DAND5: variants seen among roughly 807,000 people sequenced by gnomAD.
The protein encoded by DAND5 is DAN domain BMP antagonist family member 5.
In DAND5, 8 loss-of-function variants were observed where a neutral mutation model predicts 9.2. That is an observed-to-expected ratio of 0.87 (90% confidence interval 0.51 to 1.56). The LOEUF (loss-of-function observed/expected upper bound fraction) is 1.56. DAND5 is among the 40% of genes most tolerant of loss of function. The pLI is 0.00. For synonymous variants in DAND5, 95 were observed against 101.1 expected (o/e 0.94, Z 0.36); for missense variants, 244 against 244.7 (o/e 1.00, Z 0.02).
rs1365588972 is a variant in DAND5, at chr19:12,973,752, G to A, written c.*118G>A. 5 of 1,486,832 alleles carry A rather than the reference G, an allele frequency of 3.4e-6. No individual in the cohort carries two copies. Among genetic ancestry groups the A allele is most frequent in the East Asian group, 2.3e-5 (1 of 43,518 alleles). The allele number at this position is 1,486,832 out of a possible 1,614,324, so 92.1% of individuals were successfully genotyped here. ...TGGGTCAAGAGACCAGGGATGCAGG[G>A]TTAGGCAGACAGGTCCCCAGAGTCC... On this transcript the variant is annotated 3_prime_UTR_variant, in exon 2 of 2. Transcript: ENST00000317060.
chr19:12,970,506 A>G (rs1294012190), intron 1 of DAND5: 3 of 698,718 alleles, frequency 4.3e-6, no homozygotes, highest in African/African-American at 1.8e-5. Context: ...GCCTCAAGCA[A>G]TCCTCCCACC....
rs2011158113 is a variant in DAND5 at position 12,973,565 on chromosome 19, A to G, written c.501A>G (p.Ser167=). 6.2e-7 allele frequency: 1 copy of G among 1,614,016 alleles called. No homozygotes were observed. The highest frequency in any genetic ancestry group is 1.1e-5 in the South Asian group (1 of 91,086). The part of the protein sequence containing the change: ...PVVLWCLTGS[S]ASRRRVKIST... ...TCCTGTGGTGTCTCACTGGCAGCTC[A>G]GCCTCCCGTCGACGGGTGAAGATAT... Residue 167 remains serine (S), a synonymous_variant, in exon 2 of 2, where the codon TCA becomes TCG. Coordinates refer to ENST00000317060, the MANE Select transcript of DAND5 (RefSeq NM_152654.3).
chr19:12,973,955 C>T lies in DAND5; in HGVS notation c.*321C>T, dbSNP rs370258801. The T allele has an allele frequency of 1.6e-3, 424 of 259,128 alleles. 3 individuals carry two copies. Among genetic ancestry groups the T allele is most frequent in the African/African-American group, 8.4e-3 (376 of 44,936 alleles). 16.1% of individuals were successfully genotyped at this position (259,128 alleles called of 1,614,324 possible). ...TCAGCTCACTGCAAGCTCCACCTCC[C>T]GGGTTTATGCCATTCTCCTGTCTCA... On this transcript the variant is annotated 3_prime_UTR_variant, in exon 2 of 2. Coordinates refer to ENST00000317060, the MANE Select transcript of DAND5 (RefSeq NM_152654.3).
intron 1 of DAND5, 46 bp from the exon 2 acceptor site, chr19:12,973,343 G>T (rs1453633991): frequency 6.3e-7 from 1 of 1,595,050 alleles, no homozygotes; most frequent in Non-Finnish European, 8.5e-7. Context: ...CGCCACTCTG[G>T]CCCCAAACTC....
At chr19:12,972,731 G>A (rs1599680159) in intron 1 of DAND5, among the ~76,000 whole-genome samples, 1 of 152,092 alleles carries the variant, frequency 6.6e-6, no homozygotes, top group East Asian at 1.9e-4. Context: ...AGTAGAGATG[G>A]GGTTTCGCCA....
intron 1 of DAND5, among the ~76,000 whole-genome samples, chr19:12,972,861 C>CTTTTTTTTTT (rs1212086930): frequency 1.9e-5 from 2 of 104,712 alleles, no homozygotes; most frequent in African/African-American, 3.6e-5. Context: ...AATTTCTTTT[C>CTTTTTTTTTT]TTTTTTTTTT....
At chr19:12,973,244 GAC>G in intron 1 of DAND5, 143 bp from the exon 2 acceptor site, 1 of 1,145,856 alleles carries the variant, frequency 8.7e-7, no homozygotes, top group Non-Finnish European at 1.2e-6. Flanking sequence ...TCAGCCAAGA[GAC>G]AGCAGAGTCA....
Position 12,973,636 on chromosome 19 carries a change from CTGAG to C in DAND5, c.*3_*6del, listed in dbSNP as rs748503801. Reference sequence around the variant, plus strand: ...TGTCACTGCAGCCCAAAAGCATGAACTGAGCATCGTGGATGGGTGCACGGAGACA... The same window carrying C: ...TGTCACTGCAGCCCAAAAGCATGAACCATCGTGGATGGGTGCACGGAGACA... On this transcript the variant is annotated 3_prime_UTR_variant, in exon 2 of 2. Transcript: ENST00000317060. 8.7e-6 allele frequency: 14 copies of C among 1,613,182 alleles called. No individual in the cohort carries two copies. The highest frequency in any genetic ancestry group is 1.0e-5 in the Non-Finnish European group (12 of 1,179,598).
At chr19:12,970,651 T>C (rs2011142194) in intron 1 of DAND5, 2 of 475,176 alleles carry the variant, frequency 4.2e-6, no homozygotes, top group African/African-American at 4.0e-5. Flanking sequence ...CTTTCTTTCT[T>C]TCTTTCTTTC....
intron 1 of DAND5, 23 bp from the exon 2 acceptor site, chr19:12,973,366 C>G: frequency 1.9e-6 from 3 of 1,610,922 alleles, no homozygotes; most frequent in Admixed American, 1.7e-5. Flanking sequence ...CCACCCTGAC[C>G]GTCTCCATGC....
chr19:12,970,624 T>C, intron 1 of DAND5: 1 of 477,280 alleles, frequency 2.1e-6, no homozygotes, highest in Non-Finnish European at 3.7e-6. Flanking sequence ...TTTCTTTCTT[T>C]GTTTTTCTTT....
At chr19:12,970,374 C>T in intron 1 of DAND5, 4 of 673,806 alleles carry the variant, frequency 5.9e-6, no homozygotes, top group Non-Finnish European at 1.1e-5. Context: ...CCTCCTCCCA[C>T]TCTCCCCCTC....
At chr19:12,973,168 G>A (rs1338436093) in intron 1 of DAND5, among the ~76,000 whole-genome samples, 6 of 152,190 alleles carry the variant, frequency 3.9e-5, no homozygotes, top group Admixed American at 3.3e-4. Flanking sequence ...GGCCCTTGTT[G>A]AATTTCAATG....
At chr19:12,972,036 G>A (rs370096403) in intron 1 of DAND5, among the ~76,000 whole-genome samples, 2 of 151,062 alleles carry the variant, frequency 1.3e-5, no homozygotes, top group Middle Eastern at 3.5e-3. Context: ...GCCTACAGAC[G>A]CACAGCATTA....
At chr19:12,971,138 T>C (rs1221485209) in intron 1 of DAND5, among the ~76,000 whole-genome samples, 3 of 152,180 alleles carry the variant, frequency 2.0e-5, no homozygotes, top group Non-Finnish European at 4.4e-5. Flanking sequence ...GGGCTTTCTG[T>C]TGGATGCTTC....
chr19:12,972,166 C>A (rs1167444953), intron 1 of DAND5, among the ~76,000 whole-genome samples: 1 of 151,528 alleles, frequency 6.6e-6, no homozygotes, highest in Admixed American at 6.6e-5. Context: ...TCACGCCACT[C>A]TCCTGCCTCA....
At position 12,973,556 on chromosome 19, in the gene DAND5, T is replaced by A; in HGVS notation, c.492T>A (p.Thr164=). ...RWAPVVLWCL[T]GSSASRRRVK... ...CACCCGTGGTCCTGTGGTGTCTCACTGGCAGCTCAGCCTCCCGTCGACGGG... is the reference window on the plus strand; with the variant it reads ...CACCCGTGGTCCTGTGGTGTCTCACAGGCAGCTCAGCCTCCCGTCGACGGG... The change falls in exon 2 of 2, where the codon ACT becomes ACA. Residue 164 remains threonine (T), a synonymous_variant. Coordinates refer to ENST00000317060, the MANE Select transcript of DAND5 (RefSeq NM_152654.3). 6.2e-7 allele frequency: 1 copy of A among 1,614,176 alleles called. No homozygotes were observed. Among genetic ancestry groups the A allele is most frequent in the East Asian group, 2.2e-5 (1 of 44,888 alleles).
rs1599679071 is a variant in DAND5, at chr19:12,969,752, C to T, written c.92C>T (p.Pro31Leu). 4.4e-6 allele frequency: 7 copies of T among 1,591,186 alleles called. No individual in the cohort carries two copies. Among genetic ancestry groups the T allele is most frequent in the East Asian group, 2.2e-5 (1 of 44,788 alleles). Reference protein sequence around the residue: ...SGRPEPQSPRPQSWAAANQTW... With the variant: ...SGRPEPQSPRLQSWAAANQTW... ...AGGCCTGAACCCCAGTCTCCTCGACCTCAGTCCTGGGCTGCAGCCAATCAG... is the reference window on the plus strand; with the variant it reads ...AGGCCTGAACCCCAGTCTCCTCGACTTCAGTCCTGGGCTGCAGCCAATCAG... The change falls in exon 1 of 2, where the codon CCT becomes CTT. Residue 31 changes from proline to leucine, a missense_variant. Pro to Leu is a moderately conservative substitution (Grantham distance 98). Transcript: ENST00000317060.
Position 12,973,819 on chromosome 19 carries a change from A to T in DAND5, c.*185A>T. 1 of 746,728 alleles carries T rather than the reference A, an allele frequency of 1.3e-6. No individual in the cohort carries two copies. The highest frequency in any genetic ancestry group is 1.8e-5 in the African/African-American group (1 of 56,208). The allele number at this position is 746,728 out of a possible 1,614,324, so 46.3% of individuals were successfully genotyped here. A position where few individuals can be genotyped will look rare whatever the true frequency, so the allele number is the denominator to read the frequency against. The stretch of plus-strand genomic sequence containing the variant: ...ACAGTAGACACAGTGCCCGTCCTGG[A>T]GTTGCACCACTGATAGTCACAGCAC... On this transcript the variant is annotated 3_prime_UTR_variant, in exon 2 of 2. Transcript: ENST00000317060.
Sources: allele counts gnomAD v4.1 joint callset (sites outside exome capture counted in the v4.1 genomes callset), GRCh38; gene constraint gnomAD v4.1.1; transcripts MANE v1.5; gene names NCBI Gene and HGNC (gene_info 2026-07-23, HGNC 2026-07-21).